Variants in SLC9C2 observed in about 807,000 individuals in gnomAD.
SLC9C2 encodes sodium/hydrogen exchanger 11.
In SLC9C2, 75 loss-of-function variants were observed where a neutral mutation model predicts 140.2. That is an observed-to-expected ratio of 0.53 (90% CI 0.44 to 0.65). The LOEUF (loss-of-function observed/expected upper bound fraction) is 0.65. Among genes scored for constraint, SLC9C2 ranks in the 30% least tolerant of loss-of-function variants. The pLI, the probability that SLC9C2 is intolerant of heterozygous loss-of-function variation, is 0.00. For synonymous variants in SLC9C2, 375 were observed against 420.9 expected (o/e 0.89, Z 1.34); for missense variants, 1,074 against 1,331.8 (o/e 0.81, Z 3.01).
chr1:173,537,641 C>T (rs567395875), intron 13 of SLC9C2, among the ~76,000 whole-genome samples: 30 of 151,938 alleles, frequency 2.0e-4, no homozygotes, highest in African/African-American at 6.3e-4. Context: ...CACATATATA[C>T]GCATATTATA....
intron 13 of SLC9C2, among the ~76,000 whole-genome samples, chr1:173,546,039 T>G (rs1662824781): frequency 6.6e-6 from 1 of 152,168 alleles, no homozygotes; most frequent in Non-Finnish European, 1.5e-5. Context: ...TTTTGCCATA[T>G]TTTATGCTCA....
At chr1:173,557,608 TCGGG>T in intron 9 of SLC9C2, 100 bp from the exon 10 acceptor site, 1 of 1,168,264 alleles carries the variant, frequency 8.6e-7, no homozygotes. Flanking sequence ...ATAAAAATTT[TCGGG>T]AAAGAAAAAA....
chr1:173,521,162 G>C, intron 22 of SLC9C2, 139 bp downstream of exon 22: 1 of 455,856 alleles, frequency 2.2e-6, no homozygotes, highest in Non-Finnish European at 3.8e-6. Context: ...CCTCTCAGCT[G>C]TCATGCTCAG....
intron 13 of SLC9C2, among the ~76,000 whole-genome samples, chr1:173,538,563 A>G (rs1203460952): frequency 2.6e-5 from 4 of 151,980 alleles, no homozygotes; most frequent in Admixed American, 2.6e-4. Flanking sequence ...ATAAAACAGG[A>G]AATTAAGGGG....
At chr1:173,601,932 A>G in intron 1 of SLC9C2, 77 bp from the exon 2 acceptor site, 1 of 892,074 alleles carries the variant, frequency 1.1e-6, no homozygotes, top group Admixed American at 2.3e-5. Context: ...AGATTGTGCC[A>G]CACTCAGATC....
At chr1:173,550,868 T>C (rs1468267680) in intron 11 of SLC9C2, among the ~76,000 whole-genome samples, 1 of 68,338 alleles carries the variant, frequency 1.5e-5, no homozygotes, top group Non-Finnish European at 2.5e-5. Context: ...TAGTGAGCCG[T>C]TGAAAGAGAG....
rs139510908 is a variant in SLC9C2 at position 173,560,216 on chromosome 1, G to A, written c.1047-2708C>T. The stretch of plus-strand genomic sequence containing the variant: ...GTTCATACATAAAGAAGTGTAATAC[G>A]AAAAATAAAACACTTTAATATATTG... On this transcript the variant is annotated intron_variant, in intron 9 of 27. Coordinates refer to ENST00000367714, the MANE Select transcript of SLC9C2 (RefSeq NM_178527.4). Among the ~76,000 whole-genome samples the A allele has an allele frequency of 3.3e-3, 501 of 152,226 alleles. 2 individuals are homozygous for A. Among genetic ancestry groups the A allele is most frequent in the African/African-American group, 0.011 (463 of 41,542 alleles).
chr1:173,533,828 A>G, intron 16 of SLC9C2, 31 bp from the exon 17 acceptor site: 1 of 1,559,900 alleles, frequency 6.4e-7, no homozygotes, highest in Non-Finnish European at 8.7e-7. Flanking sequence ...ATTTCATAGC[A>G]CCTATACAGT....
chr1:173,500,947 A>T lies in SLC9C2; in HGVS notation c.*147T>A. On this transcript the variant is annotated 3_prime_UTR_variant, in exon 28 of 28. Coordinates refer to ENST00000367714, the MANE Select transcript of SLC9C2 (RefSeq NM_178527.4). Reference sequence around the variant, plus strand: ...CATCCATTGCTTATAAACTAAATGCAGCAGTAACCTGTTTCAGTAGCTTCT... The same window carrying T: ...CATCCATTGCTTATAAACTAAATGCTGCAGTAACCTGTTTCAGTAGCTTCT... The T allele has an allele frequency of 1.2e-6, 1 of 865,128 alleles. No homozygotes were observed. The highest frequency in any genetic ancestry group is 1.6e-6 in the Non-Finnish European group (1 of 639,104). The allele number at this position is 865,128 out of a possible 1,614,324, so 53.6% of individuals were successfully genotyped here. A position where few individuals can be genotyped will look rare whatever the true frequency, so the allele number is the denominator to read the frequency against.
chr1:173,588,372 GA>G (rs1665978095), intron 4 of SLC9C2, among the ~76,000 whole-genome samples: 1 of 152,110 alleles, frequency 6.6e-6, no homozygotes, highest in Non-Finnish European at 1.5e-5. Context: ...CCAAGTATAA[GA>G]AAGTATTTAT....
rs1022189331 is a variant in SLC9C2, at chr1:173,505,452, T to A, written c.3226-121A>T. Reference sequence around the variant, plus strand: ...AAGCCTAAAGCTGGGTCTTCAATCTTGGCTCTATATTCTAAATTTCAAATC... The same window carrying A: ...AAGCCTAAAGCTGGGTCTTCAATCTAGGCTCTATATTCTAAATTTCAAATC... On this transcript the variant is annotated intron_variant, in intron 25 of 27. Transcript: ENST00000367714. 7 of 680,994 alleles carry A rather than the reference T, an allele frequency of 1.0e-5. No homozygotes were observed. In the Middle Eastern group the frequency reaches 1.2e-3, roughly 119 times the overall value. The allele number at this position is 680,994 out of a possible 1,614,324, so 42.2% of individuals were successfully genotyped here. A position where few individuals can be genotyped will look rare whatever the true frequency, so the allele number is the denominator to read the frequency against.
At position 173,601,849 on chromosome 1, in the gene SLC9C2, T is replaced by G. The variant is rs749783985; in HGVS notation, c.-73A>C. 3.7e-5 allele frequency: 58 copies of G among 1,578,826 alleles called. No individual in the cohort carries two copies. The highest frequency in any genetic ancestry group is 4.7e-5 in the Non-Finnish European group (55 of 1,158,838). ...TATTATTGACACTTTCACTTCTGCATGCTAACCTGTATAGCATGCAAAAAG... is the reference window on the plus strand; with the variant it reads ...TATTATTGACACTTTCACTTCTGCAGGCTAACCTGTATAGCATGCAAAAAG... On this transcript the variant is annotated 5_prime_UTR_variant, in exon 2 of 28. An upstream start codon of the reference 5' UTR is lost. Transcript: ENST00000367714.
chr1:173,590,046 C>A (rs1374936548), intron 4 of SLC9C2, among the ~76,000 whole-genome samples: 3 of 152,036 alleles, frequency 2.0e-5, no homozygotes, highest in African/African-American at 7.2e-5. Flanking sequence ...AGTTCCAGAC[C>A]AGCCTGGCCA....
intron 22 of SLC9C2, 40 bp downstream of exon 22, chr1:173,521,261 T>C: frequency 8.9e-7 from 1 of 1,121,374 alleles, no homozygotes; most frequent in Non-Finnish European, 1.2e-6. Context: ...TCAAAATACA[T>C]TTTAAGTAAA....
At chr1:173,593,560 T>A (rs1183579143) in intron 4 of SLC9C2, among the ~76,000 whole-genome samples, 1 of 152,126 alleles carries the variant, frequency 6.6e-6, no homozygotes, top group Non-Finnish European at 1.5e-5. Context: ...CTAAATGCCC[T>A]ATTTAAAAGG....
chr1:173,594,265 T>C (rs1430005245), intron 4 of SLC9C2, among the ~76,000 whole-genome samples: 1 of 152,172 alleles, frequency 6.6e-6, no homozygotes, highest in Non-Finnish European at 1.5e-5. Context: ...ATGACTATAG[T>C]TAACAGCAAT....
At chr1:173,601,507 T>C (rs958604044) in intron 2 of SLC9C2, 143 bp downstream of exon 2, 7 of 875,160 alleles carry the variant, frequency 8.0e-6, no homozygotes, top group Middle Eastern at 3.5e-4. Context: ...TATAATTAAA[T>C]GAAGCGAGAT....
intron 4 of SLC9C2, among the ~76,000 whole-genome samples, chr1:173,588,805 G>A (rs940248653): frequency 6.6e-6 from 1 of 152,140 alleles, no homozygotes; most frequent in African/African-American, 2.4e-5. Flanking sequence ...CAGGTGCAGT[G>A]GCTCATGCCC....
chr1:173,541,662 T>G (rs999120560), intron 13 of SLC9C2, among the ~76,000 whole-genome samples: 2 of 152,210 alleles, frequency 1.3e-5, no homozygotes, highest in African/African-American at 4.8e-5. Context: ...AAACTGTCTC[T>G]CAGACCACAG....
Sources: allele counts gnomAD v4.1 joint callset (sites outside exome capture counted in the v4.1 genomes callset), GRCh38; gene constraint gnomAD v4.1.1; transcripts MANE v1.5; gene names NCBI Gene and HGNC (gene_info 2026-07-23, HGNC 2026-07-21).